The following SUGCT variants were observed in gnomAD, a reference collection of about 807,000 sequenced individuals.
SUGCT encodes the protein succinyl-CoA:glutarate CoA-transferase.
SUGCT carries 41 observed loss-of-function variants against 55.0 expected under a neutral mutation model. That is an observed-to-expected ratio of 0.74 (90% confidence interval 0.58 to 0.97). SUGCT has a LOEUF of 0.97. SUGCT is among the 50% of genes least tolerant of loss of function. The pLI, the probability that SUGCT is intolerant of heterozygous loss-of-function variation, is 0.00. For synonymous variants in SUGCT, 187 were observed against 200.4 expected (o/e 0.93, Z 0.56); for missense variants, 568 against 547.8 (o/e 1.04, Z -0.37).
chr7:40,411,882 C>T (rs1168335464), intron 9 of SUGCT, among the ~76,000 whole-genome samples: 1 of 151,910 alleles, frequency 6.6e-6, no homozygotes, highest in East Asian at 1.9e-4. Context: ...CATATGCAGC[C>T]CCCAAATATG....
rs190910975 is a variant in SUGCT at position 40,315,369 on chromosome 7, C to T, written c.721-1391C>T. Among the ~76,000 whole-genome samples, 73 of 152,296 alleles carry T rather than the reference C, an allele frequency of 4.8e-4. 1 individual carries two copies. The highest frequency in any genetic ancestry group is 1.0e-3 in the Admixed American group (16 of 15,304). ...CTGTGAAATGGTGATTAGCACTAGG[C>T]GGCCCCAGGCAGCCCTGGAATGCTC... On this transcript the variant is annotated intron_variant, in intron 8 of 13. Coordinates refer to ENST00000335693, the MANE Select transcript of SUGCT (RefSeq NM_001193313.2).
At chr7:40,401,717 A>G (rs1786079279) in intron 9 of SUGCT, among the ~76,000 whole-genome samples, 1 of 152,244 alleles carries the variant, frequency 6.6e-6, no homozygotes, top group Non-Finnish European at 1.5e-5. Context: ...AATCTAAAAT[A>G]GGAAATACCT....
chr7:40,338,350 C>T (rs2151168880), intron 9 of SUGCT, among the ~76,000 whole-genome samples: 1 of 152,292 alleles, frequency 6.6e-6, no homozygotes, highest in South Asian at 2.1e-4. Context: ...TGTTTTCCAA[C>T]TTGGTTCCAT....
chr7:40,944,754 C>T, the SUGCT span, among the ~76,000 whole-genome samples: 2 of 141,802 alleles, frequency 1.4e-5, no homozygotes, highest in Non-Finnish European at 3.0e-5. Context: ...AATGCGGGCT[C>T]TAATGACTTT....
the SUGCT span, among the ~76,000 whole-genome samples, chr7:40,937,924 T>G: frequency 6.6e-6 from 1 of 152,160 alleles, no homozygotes; most frequent in Non-Finnish European, 1.5e-5. Flanking sequence ...CCACCTCAGA[T>G]CATCAGGCAT....
chr7:40,366,066 A>T (rs994454595), intron 9 of SUGCT, among the ~76,000 whole-genome samples: 1 of 152,212 alleles, frequency 6.6e-6, no homozygotes, highest in Non-Finnish European at 1.5e-5. Flanking sequence ...CAAAACAGAG[A>T]TATAGATCAG....
At chr7:40,378,811 C>T (rs1784730947) in intron 9 of SUGCT, among the ~76,000 whole-genome samples, 1 of 152,290 alleles carries the variant, frequency 6.6e-6, no homozygotes, top group Middle Eastern at 3.4e-3. Flanking sequence ...ACATGCTTTT[C>T]TTTAATTCTC....
At chr7:40,924,930 A>C in the SUGCT span, among the ~76,000 whole-genome samples, 1 of 152,354 alleles carries the variant, frequency 6.6e-6, no homozygotes, top group Admixed American at 6.5e-5. Context: ...TATATAATCT[A>C]TCACAAATAT....
At chr7:40,633,090 T>C (rs11977013) in intron 12 of SUGCT, among the ~76,000 whole-genome samples, 36,860 of 152,046 alleles carry the variant, frequency 0.24, 6,651 homozygotes, top group African/African-American at 0.51. Flanking sequence ...AGAAGAGAAT[T>C]GAGTGATTTA....
At chr7:41,008,991 T>C in the SUGCT span, among the ~76,000 whole-genome samples, 1 of 152,096 alleles carries the variant, frequency 6.6e-6, no homozygotes, top group African/African-American at 2.4e-5. Flanking sequence ...TTAAATGTCC[T>C]GTGGTATGAG....
intron 12 of SUGCT, among the ~76,000 whole-genome samples, chr7:40,591,989 A>G (rs1452947175): frequency 2.0e-5 from 3 of 152,064 alleles, no homozygotes; most frequent in African/African-American, 4.8e-5. Context: ...TTTTTTTGCA[A>G]TGGTCTGAGC....
At chr7:40,459,422 CAAT>C (rs1789673869) in intron 11 of SUGCT, among the ~76,000 whole-genome samples, 2 of 152,102 alleles carry the variant, frequency 1.3e-5, no homozygotes, top group South Asian at 4.2e-4. Flanking sequence ...TGAGTCATAA[CAAT>C]GATATAAATA....
At chr7:40,917,805 G>A in the SUGCT span, among the ~76,000 whole-genome samples, 3 of 152,128 alleles carry the variant, frequency 2.0e-5, no homozygotes, top group Admixed American at 2.0e-4. Flanking sequence ...AGAACCTCTG[G>A]CATCCCTTTC....
At chr7:40,302,002 A>G (rs1794565215) in intron 8 of SUGCT, among the ~76,000 whole-genome samples, 1 of 152,202 alleles carries the variant, frequency 6.6e-6, no homozygotes, top group Admixed American at 6.5e-5. Context: ...AACATCATGA[A>G]TAACCTTTAC....
intron 13 of SUGCT, among the ~76,000 whole-genome samples, chr7:40,817,663 A>G (rs1331495348): frequency 6.6e-6 from 1 of 152,202 alleles, no homozygotes; most frequent in East Asian, 1.9e-4. Context: ...TAGGATTCAA[A>G]TGGAGGTTGG....
At chr7:40,326,551 G>A (rs557714825) in intron 9 of SUGCT, among the ~76,000 whole-genome samples, 7 of 152,190 alleles carry the variant, frequency 4.6e-5, no homozygotes, top group Non-Finnish European at 1.0e-4. Flanking sequence ...AGAAAAGAGG[G>A]CAACACGCTG....
intron 12 of SUGCT, among the ~76,000 whole-genome samples, chr7:40,606,340 G>C (rs556433177): frequency 1.3e-5 from 2 of 152,166 alleles, no homozygotes; most frequent in Non-Finnish European, 1.5e-5. Flanking sequence ...TGCTGCAGTC[G>C]TGAGTTTCAC....
At chr7:40,374,352 A>G (rs982234107) in intron 9 of SUGCT, among the ~76,000 whole-genome samples, 3 of 152,168 alleles carry the variant, frequency 2.0e-5, no homozygotes, top group Non-Finnish European at 4.4e-5. Context: ...CAGATGAGGA[A>G]GCTAAGGTTC....
rs181614210 is a variant in SUGCT at position 40,722,866 on chromosome 7, C to T, written c.1090-26568C>T. ...TGTGACACATTGAAGCGATATCCTT[C>T]AATCTGATAACATTATTTATAAACC... On this transcript the variant is annotated intron_variant, in intron 12 of 13. Transcript: ENST00000335693. 2.7e-3 allele frequency among the ~76,000 whole-genome samples: 413 copies of T among 152,232 alleles called. 1 individual carries two copies. The highest frequency in any genetic ancestry group is 4.8e-3 in the Non-Finnish European group (328 of 68,024).
Sources: gnomAD v4.1 joint callset for allele counts (sites outside exome capture counted in the v4.1 genomes callset) on GRCh38, gnomAD v4.1.1 for gene constraint, MANE v1.5 for transcripts, NCBI Gene and HGNC (gene_info 2026-07-23, HGNC 2026-07-21) for gene names.